LTO1: variants seen among roughly 807,000 people sequenced by gnomAD.
LTO1 encodes protein LTO1 homolog.
LTO1 carries 18 observed loss-of-function variants against 19.8 expected under a neutral mutation model. That is an observed-to-expected ratio of 0.91 (90% confidence interval 0.63 to 1.35). The LOEUF (loss-of-function observed/expected upper bound fraction) is 1.35, where lower values mean the gene tolerates loss of function less well. LTO1 is among the 40% of genes most tolerant of loss of function. The pLI is 0.00. For synonymous variants in LTO1, 59 were observed against 59.6 expected (o/e 0.99, Z 0.05); for missense variants, 175 against 167.9 (o/e 1.04, Z -0.23).
At chr11:69,670,816 G>C (rs186239753) in intron 3 of LTO1, among the ~76,000 whole-genome samples, 2 of 152,258 alleles carry the variant, frequency 1.3e-5, no homozygotes, top group Non-Finnish European at 2.9e-5. Context: ...CCATCTCAAG[G>C]GTTCATTTCC....
chr11:69,667,467 C>T lies in LTO1; in HGVS notation c.*52G>A, dbSNP rs553762460. On this transcript the variant is annotated 3_prime_UTR_variant, in exon 5 of 5. Transcript: ENST00000279147. ...TGGCCCTTCACCGCATTTCTAAACA[C>T]GTCACACACACATCTGTTCCTCGAC... The T allele has an allele frequency of 2.9e-5, 35 of 1,201,366 alleles. No individual in the cohort carries two copies. In the Admixed American group the frequency reaches 3.6e-4, roughly 12 times the overall value. The allele number at this position is 1,201,366 out of a possible 1,614,324, so 74.4% of individuals were successfully genotyped here.
chr11:69,669,022 C>T (rs372143898), intron 3 of LTO1, among the ~76,000 whole-genome samples: 3 of 100,792 alleles, frequency 3.0e-5, no homozygotes, highest in Non-Finnish European at 5.5e-5. Flanking sequence ...AGTGAGAATC[C>T]GTCTCAAAAA....
At chr11:69,675,021 C>T (rs1393096018) in intron 1 of LTO1, 169 bp downstream of exon 1, 2 of 702,654 alleles carry the variant, frequency 2.8e-6, no homozygotes, top group Non-Finnish European at 2.6e-6. Flanking sequence ...AGAAGAGGAC[C>T]AGAGCATCAG....
intron 1 of LTO1, chr11:69,674,693 C>T (rs1295282771): frequency 4.4e-6 from 2 of 453,190 alleles, no homozygotes; most frequent in South Asian, 1.6e-5. Context: ...TCCTCTGGGC[C>T]GGGCACTGGA....
rs563028299 is a variant in LTO1 at position 69,672,047 on chromosome 11, T to C, written c.157-228A>G. Reference sequence around the variant, plus strand: ...TCCTCATCTCCTGGTACCCATGCCCTGTGCAGGTCCCTCGACACTCCACCA... The same window carrying C: ...TCCTCATCTCCTGGTACCCATGCCCCGTGCAGGTCCCTCGACACTCCACCA... On this transcript the variant is annotated intron_variant, in intron 2 of 4. Transcript: ENST00000279147. 5.8e-6 allele frequency: 3 copies of C among 515,270 alleles called. No individual in the cohort carries two copies. The South Asian group carries it at 6.1e-5, about 11-fold the overall frequency. The allele number at this position is 515,270 out of a possible 1,614,324, so 31.9% of individuals were successfully genotyped here. A position where few individuals can be genotyped will look rare whatever the true frequency, so the allele number is the denominator to read the frequency against.
At chr11:69,672,839 G>A (rs1856126256) in intron 2 of LTO1, 1 of 319,334 alleles carries the variant, frequency 3.1e-6, no homozygotes, top group African/African-American at 2.1e-5. Flanking sequence ...GTTTCATCCT[G>A]TCGCCCAGGC....
At chr11:69,674,789 C>G (rs753343724) in intron 1 of LTO1, 10 of 470,486 alleles carry the variant, frequency 2.1e-5, no homozygotes, top group South Asian at 1.5e-4. Context: ...GGGGTGTGGT[C>G]GGGTACATCT....
chr11:69,668,961 G>A (rs1211108389), intron 3 of LTO1, among the ~76,000 whole-genome samples: 1 of 151,282 alleles, frequency 6.6e-6, no homozygotes, highest in African/African-American at 2.4e-5. Flanking sequence ...CTGGGAGGTG[G>A]AGGTTGCAGT....
intron 1 of LTO1, 152 bp from the exon 2 acceptor site, chr11:69,673,473 G>A: frequency 1.7e-6 from 1 of 595,898 alleles, no homozygotes; most frequent in South Asian, 2.0e-5. Flanking sequence ...ACAGATTCCA[G>A]TCCCAGATCT....
chr11:69,671,902 G>T, intron 2 of LTO1, 83 bp from the exon 3 acceptor site: 1 of 821,692 alleles, frequency 1.2e-6, no homozygotes, highest in Non-Finnish European at 2.1e-6. Context: ...AACAAAAGGT[G>T]GGGGCAGAAG....
intron 1 of LTO1, 30 bp downstream of exon 1, chr11:69,675,160 G>T (rs188627717): frequency 6.3e-7 from 1 of 1,587,870 alleles, no homozygotes; most frequent in Non-Finnish European, 8.6e-7. Flanking sequence ...ACCAGACAGG[G>T]CGGGGTGCGG....
At position 69,666,329 on chromosome 11, in the gene LTO1, A is replaced by G. The variant is rs1489539866; in HGVS notation, c.*1190T>C. The G allele has an allele frequency of 6.6e-6, 1 of 152,046 alleles. No homozygotes were observed. Among genetic ancestry groups the G allele is most frequent in the Non-Finnish European group, 1.5e-5 (1 of 67,878 alleles). The allele number at this position is 152,046 out of a possible 1,614,324, so 9.4% of individuals were successfully genotyped here. ...AAAGTGGATTCATGGCGACCCCTTA[A>G]TAATCTCCTGGACTGCTTTCGGACA... is the stretch of plus-strand genomic sequence containing the variant. On this transcript the variant is annotated 3_prime_UTR_variant, in exon 5 of 5. Coordinates refer to ENST00000279147, the MANE Select transcript of LTO1 (RefSeq NM_153451.3).
Position 69,671,774 on chromosome 11 carries a change from G to T in LTO1, c.202C>A (p.His68Asn). The change falls in exon 3 of 5, where the codon CAC becomes AAC. Residue 68 changes from histidine to asparagine, a missense_variant. Physicochemically the swap from His to Asn is moderately conservative, Grantham distance 68. Transcript: ENST00000279147. Reference protein sequence around the residue: ...GFAFAWKCLLHSCTTEKDSRK... With the variant: ...GFAFAWKCLLNSCTTEKDSRK... The stretch of plus-strand genomic sequence containing the variant: ...CTGTCCTTCTCAGTGGTGCAACTGT[G>T]CAGTAGACATTTCCATGCAAAAGCA... 1 of 1,600,010 alleles carries T rather than the reference G, an allele frequency of 6.2e-7. No homozygotes were observed. Among genetic ancestry groups the T allele is most frequent in the Non-Finnish European group, 8.6e-7 (1 of 1,167,172 alleles).
rs944633761 is a variant in LTO1, at chr11:69,665,583, T to C, written c.*1936A>G. On this transcript the variant is annotated 3_prime_UTR_variant, in exon 5 of 5. Coordinates refer to ENST00000279147, the MANE Select transcript of LTO1 (RefSeq NM_153451.3). ...CAAACTTTCACTTTAAAATATGCTA[T>C]TTACTTTTTTTACAGTTATAAAAAT... 6.6e-6 allele frequency: 1 copy of C among 152,222 alleles called. No homozygotes were observed. Among genetic ancestry groups the C allele is most frequent in the Non-Finnish European group, 1.5e-5 (1 of 68,038 alleles). 9.4% of individuals were successfully genotyped at this position (152,222 alleles called of 1,614,324 possible).
At chr11:69,673,139 C>T (rs765624759) in intron 2 of LTO1, 77 bp downstream of exon 2, 6 of 889,492 alleles carry the variant, frequency 6.7e-6, no homozygotes, top group Non-Finnish European at 1.2e-5. Flanking sequence ...AATTCTTACT[C>T]CATCACACTG....
rs1229396747 is a variant in LTO1 at position 69,666,355 on chromosome 11, T to C, written c.*1164A>G. On this transcript the variant is annotated 3_prime_UTR_variant, in exon 5 of 5. Coordinates refer to ENST00000279147, the MANE Select transcript of LTO1 (RefSeq NM_153451.3). ...TAATCTCCTGGACTGCTTTCGGACA[T>C]GCTTTCTGGAACAGGAGGGGTGTGG... The C allele has an allele frequency of 6.6e-6, 1 of 152,208 alleles. No homozygotes were observed. Among genetic ancestry groups the C allele is most frequent in the Admixed American group, 6.5e-5 (1 of 15,274 alleles). 9.4% of individuals were successfully genotyped at this position (152,208 alleles called of 1,614,324 possible). A position where few individuals can be genotyped will look rare whatever the true frequency, so the allele number is the denominator to read the frequency against.
At chr11:69,672,885 C>A in intron 2 of LTO1, 4 of 366,822 alleles carry the variant, frequency 1.1e-5, no homozygotes, top group South Asian at 8.6e-5. Context: ...TTACCACAAC[C>A]TCTGCCTCCC....
intron 1 of LTO1, chr11:69,674,736 C>A (rs1157407201): frequency 2.2e-6 from 1 of 458,678 alleles, no homozygotes; most frequent in Admixed American, 2.3e-5. Context: ...AGCTCCCCCA[C>A]TGTCGCAGCA....
chr11:69,669,665 C>T (rs564852949), intron 3 of LTO1, among the ~76,000 whole-genome samples: 24 of 152,168 alleles, frequency 1.6e-4, no homozygotes, highest in Non-Finnish European at 2.9e-4. Flanking sequence ...CCATCAGAGG[C>T]GGCACACGTC....
Sources: gnomAD v4.1 joint callset for allele counts (sites outside exome capture counted in the v4.1 genomes callset) on GRCh38, gnomAD v4.1.1 for gene constraint, MANE v1.5 for transcripts, NCBI Gene and HGNC (gene_info 2026-07-23, HGNC 2026-07-21) for gene names.